ASPH: variants seen among roughly 807,000 people sequenced by gnomAD.
The protein encoded by ASPH is aspartate beta-hydroxylase, also known as aspartyl/asparaginyl beta-hydroxylase.
Under a neutral mutation model 118.4 loss-of-function variants are expected in ASPH, and 100 were observed. That is an observed-to-expected ratio of 0.84 (90% CI 0.72 to 1.00). The LOEUF (loss-of-function observed/expected upper bound fraction) is 1.00. Among genes scored for constraint, ASPH ranks in the 50% least tolerant of loss-of-function variants. The probability of loss-of-function intolerance (pLI) is 0.00; values close to 1 mark genes in which losing one functional copy is unlikely to be tolerated. For missense variants in ASPH, 920 were observed against 919.5 expected, an observed-to-expected ratio of 1.00 and a Z score of -0.01; for synonymous variants, 315 against 325.6, an observed-to-expected ratio of 0.97 and a Z score of 0.35.
At chr8:61,684,711 C>T (rs932685794) in intron 1 of ASPH, 9 of 152,266 alleles carry the variant, frequency 5.9e-5, no homozygotes, top group African/African-American at 2.2e-4. Context: ...CCGTTGAGGC[C>T]TAAGGAAACA....
chr8:61,548,345 C>T, intron 20 of ASPH, 137 bp from the exon 21 acceptor site: 1 of 1,013,040 alleles, frequency 9.9e-7, no homozygotes, highest in Non-Finnish European at 1.4e-6. Flanking sequence ...GTACTCAAAT[C>T]TGTTGAAATC....
rs148081708 is a variant in ASPH at position 61,507,839 on chromosome 8, G to C, written c.2127-4330C>G. Among the ~76,000 whole-genome samples, 14 of 152,284 alleles carry C rather than the reference G, an allele frequency of 9.2e-5. No homozygotes were observed. The East Asian group carries it at 1.4e-3, about 15-fold the overall frequency. On this transcript the variant is annotated intron_variant, in intron 24 of 24. Coordinates refer to ENST00000379454, the MANE Select transcript of ASPH (RefSeq NM_004318.4). ...ATTACGACATACAATCAGCCCTTTG[G>C]AGAAACAATCTTCAGAGCGGCCTGT...
chr8:61,567,810 G>T (rs1407905362), intron 16 of ASPH, among the ~76,000 whole-genome samples: 1 of 152,170 alleles, frequency 6.6e-6, no homozygotes, highest in East Asian at 1.9e-4. Flanking sequence ...AACAAATAAA[G>T]GTACTATGTG....
At position 61,684,100 on chromosome 8, in the gene ASPH, C is replaced by G. The variant is rs530320192; in HGVS notation, c.192G>C (p.Leu64=). The change falls in exon 2 of 25, where the codon CTG becomes CTC. Residue 64 remains leucine (L), a synonymous_variant. Transcript: ENST00000379454. The stretch of plus-strand genomic sequence containing the variant: ...CGACAGCTACAGATGTCCAGACGCC[C>G]AGCAATGCAATCACCATAAACCACG... ...FFTWFMVIAL[L]GVWTSVAVVW... The G allele has an allele frequency of 1.2e-5, 20 of 1,613,830 alleles. No homozygotes were observed. The South Asian group carries it at 2.0e-4, about 16-fold the overall frequency.
chr8:61,548,826 A>G (rs1824829505), intron 20 of ASPH, among the ~76,000 whole-genome samples: 1 of 152,184 alleles, frequency 6.6e-6, no homozygotes, highest in Admixed American at 6.5e-5. Flanking sequence ...TTCATAATAT[A>G]TATTTTTTTC....
chr8:61,659,336 T>A (rs943409596), intron 3 of ASPH: 1 of 152,196 alleles, frequency 6.6e-6, no homozygotes, highest in Non-Finnish European at 1.5e-5. Flanking sequence ...CATGTTGGTG[T>A]TATATAATTA....
intron 13 of ASPH, among the ~76,000 whole-genome samples, chr8:61,629,524 A>C (rs1224645855): frequency 6.6e-6 from 1 of 152,204 alleles, no homozygotes; most frequent in African/African-American, 2.4e-5. Flanking sequence ...ATCCAAAGTG[A>C]TTGGCCTATA....
chr8:61,523,382 C>T (rs1813954561), intron 22 of ASPH, among the ~76,000 whole-genome samples: 1 of 143,668 alleles, frequency 7.0e-6, no homozygotes, highest in Non-Finnish European at 1.5e-5. Context: ...GTGGCATGAT[C>T]TCGGCTCACT....
intron 13 of ASPH, among the ~76,000 whole-genome samples, chr8:61,629,381 G>C (rs1183633193): frequency 6.6e-6 from 1 of 152,184 alleles, no homozygotes; most frequent in Non-Finnish European, 1.5e-5. Flanking sequence ...CGTTCCATTT[G>C]TGTTGTGTAT....
chr8:61,579,638 G>A, intron 15 of ASPH: 1 of 1,509,602 alleles, frequency 6.6e-7, no homozygotes, highest in Non-Finnish European at 9.1e-7. Flanking sequence ...ATGGGAAGCT[G>A]GTGTCCGAGT....
intron 21 of ASPH, among the ~76,000 whole-genome samples, chr8:61,529,154 A>C (rs1282338665): frequency 6.6e-6 from 1 of 152,212 alleles, no homozygotes; most frequent in East Asian, 1.9e-4. Flanking sequence ...AGGTGGTGCC[A>C]AAACCCCTCT....
chr8:61,573,900 A>C (rs935319166), intron 16 of ASPH, among the ~76,000 whole-genome samples: 1 of 152,094 alleles, frequency 6.6e-6, no homozygotes, highest in Non-Finnish European at 1.5e-5. Flanking sequence ...ACTATCATCA[A>C]AGTGAACAGG....
Position 61,624,949 on chromosome 8 carries a change from C to G in ASPH, c.935-5930G>C. On this transcript the variant is annotated intron_variant, in intron 13 of 24. Coordinates refer to ENST00000379454, the MANE Select transcript of ASPH (RefSeq NM_004318.4). Reference sequence around the variant, plus strand: ...CAGGTTTCATTACACATCGAGTACCCATGCAGGACTCACTACATTGTATAA... The same window carrying G: ...CAGGTTTCATTACACATCGAGTACCGATGCAGGACTCACTACATTGTATAA... The G allele has an allele frequency of 3.0e-6, 3 of 984,974 alleles. No individual in the cohort carries two copies. The African/African-American group carries it at 5.2e-5, about 17-fold the overall frequency. 61.0% of individuals were successfully genotyped at this position (984,974 alleles called of 1,614,324 possible).
chr8:61,557,276 C>T (rs544596430), intron 18 of ASPH, among the ~76,000 whole-genome samples: 4 of 152,098 alleles, frequency 2.6e-5, no homozygotes, highest in Non-Finnish European at 5.9e-5. Context: ...CTGGAACCAC[C>T]CCCAAGGCCT....
chr8:61,618,456 T>C (rs1022195253), intron 14 of ASPH, among the ~76,000 whole-genome samples: 1 of 152,178 alleles, frequency 6.6e-6, no homozygotes, highest in African/African-American at 2.4e-5. Flanking sequence ...GCTGTAACTT[T>C]GTTTGTATAT....
chr8:61,703,522 C>T (rs1404050552), intron 1 of ASPH, among the ~76,000 whole-genome samples: 1 of 151,812 alleles, frequency 6.6e-6, no homozygotes, highest in Non-Finnish European at 1.5e-5. Context: ...TTTCTAATAG[C>T]ATCAAAAAAT....
intron 3 of ASPH, chr8:61,661,923 T>G (rs1378967879): frequency 1.1e-5 from 5 of 456,186 alleles, no homozygotes; most frequent in Non-Finnish European, 1.9e-5. Context: ...ACAATGCAAA[T>G]TACCTATAAA....
chr8:61,632,444 G>A (rs1856007099), intron 13 of ASPH, among the ~76,000 whole-genome samples: 1 of 152,116 alleles, frequency 6.6e-6, no homozygotes. Context: ...AACTGGTCCT[G>A]CCTCTTTGAT....
At chr8:61,543,681 C>T (rs924245855) in intron 21 of ASPH, among the ~76,000 whole-genome samples, 2 of 152,076 alleles carry the variant, frequency 1.3e-5, no homozygotes, top group African/African-American at 4.8e-5. Context: ...TTTCCTATTT[C>T]TTTGTGTGTC....
Sources: allele counts gnomAD v4.1 joint callset (sites outside exome capture counted in the v4.1 genomes callset), GRCh38; gene constraint gnomAD v4.1.1; transcripts MANE v1.5; gene names NCBI Gene and HGNC (gene_info 2026-07-23, HGNC 2026-07-21).